Variants in SCNN1B observed in about 807,000 individuals in gnomAD.
SCNN1B encodes sodium channel epithelial 1 subunit beta, also known as epithelial sodium channel subunit beta.
Under a neutral mutation model 65.3 loss-of-function variants are expected in SCNN1B, and 46 were observed. The ratio of observed to expected loss-of-function variants is 0.70; its 90% CI spans 0.56 to 0.90. The LOEUF (loss-of-function observed/expected upper bound fraction) is 0.90. Ranked by LOEUF, SCNN1B falls within the 40% of genes least tolerant of loss-of-function variation. The probability of loss-of-function intolerance (pLI) is 0.00; values close to 1 mark genes in which losing one functional copy is unlikely to be tolerated. For synonymous variants in SCNN1B, 349 were observed against 330.6 expected, an observed-to-expected ratio of 1.06 and a Z score of -0.60; for missense variants, 751 against 830.5, an observed-to-expected ratio of 0.90 and a Z score of 1.18.
At chr16:23,315,072 C>T (rs911211802) in intron 1 of SCNN1B, among the ~76,000 whole-genome samples, 1 of 152,208 alleles carries the variant, frequency 6.6e-6, no homozygotes, top group Admixed American at 6.5e-5. Flanking sequence ...TGCGGTGGCT[C>T]AAGCCTGTAA....
At chr16:23,337,646 G>A (rs1961972111) in intron 1 of SCNN1B, among the ~76,000 whole-genome samples, 1 of 151,982 alleles carries the variant, frequency 6.6e-6, no homozygotes, top group Admixed American at 6.6e-5. Flanking sequence ...CCAAAGTGCT[G>A]TGATTACAGG....
At chr16:23,364,503 G>A (rs1962609848) in intron 4 of SCNN1B, among the ~76,000 whole-genome samples, 1 of 152,174 alleles carries the variant, frequency 6.6e-6, no homozygotes, top group Admixed American at 6.5e-5. Flanking sequence ...GTGACAAGAA[G>A]CCTTTGGAGG....
chr16:23,333,917 A>G (rs1961881666), intron 1 of SCNN1B, among the ~76,000 whole-genome samples: 1 of 152,296 alleles, frequency 6.6e-6, no homozygotes, highest in East Asian at 1.9e-4. Context: ...ACCAGACCCT[A>G]ACTGGGGCCT....
chr16:23,343,514 AAGG>A (rs1962102943), intron 1 of SCNN1B, among the ~76,000 whole-genome samples: 1 of 115,852 alleles, frequency 8.6e-6, no homozygotes, highest in African/African-American at 3.1e-5. Flanking sequence ...AAGGAAAAGG[AAGG>A]AAGGAAGGAA....
At chr16:23,345,035 A>G (rs1427214728) in intron 1 of SCNN1B, among the ~76,000 whole-genome samples, 1 of 151,900 alleles carries the variant, frequency 6.6e-6, no homozygotes, top group Non-Finnish European at 1.5e-5. Context: ...GAGAGAGAAC[A>G]GAGTTGGAGA....
intron 5 of SCNN1B, among the ~76,000 whole-genome samples, chr16:23,368,525 G>A (rs953065666): frequency 5.3e-5 from 8 of 152,002 alleles, no homozygotes; most frequent in Non-Finnish European, 1.0e-4. Flanking sequence ...CATTTACTTG[G>A]GTGGTGTTCC....
At chr16:23,304,029 A>G (rs1365386386) in intron 1 of SCNN1B, 3 of 1,524,636 alleles carry the variant, frequency 2.0e-6, no homozygotes, top group Middle Eastern at 1.7e-4. Flanking sequence ...CAGCTTATTT[A>G]TTTAAACTGC....
chr16:23,282,070 G>A (rs1960792059), intron 1 of SCNN1B, among the ~76,000 whole-genome samples: 1 of 152,004 alleles, frequency 6.6e-6, no homozygotes, highest in Non-Finnish European at 1.5e-5. Context: ...GACTCCAAAA[G>A]GTGGGAGGGT....
At chr16:23,321,702 CG>C (rs1292376568) in intron 1 of SCNN1B, among the ~76,000 whole-genome samples, 2 of 152,124 alleles carry the variant, frequency 1.3e-5, no homozygotes, top group African/African-American at 4.8e-5. Context: ...AGGTACTCCG[CG>C]GACGGTGGCT....
chr16:23,379,099 TC>T (rs1261298843), intron 11 of SCNN1B, among the ~76,000 whole-genome samples: 5 of 138,228 alleles, frequency 3.6e-5, no homozygotes, highest in African/African-American at 1.2e-4. Context: ...CACCCATTCA[TC>T]CCTCCATCAT....
In SCNN1B at chr16:23,380,034, GTGTC is replaced by G. The variant is rs778424160; in HGVS notation, c.1467-52_1467-49del. ...TGCATGTGTCTATGTGCGTGTGTGTGTGTCTGTCTGTTTGGAAGGGGGATACATT... is the reference window on the plus strand; with the variant it reads ...TGCATGTGTCTATGTGCGTGTGTGTGTGTCTGTTTGGAAGGGGGATACATT... On this transcript the variant is annotated intron_variant, in intron 11 of 12. Coordinates refer to ENST00000343070, the MANE Select transcript of SCNN1B (RefSeq NM_000336.3). This position sits in a 1 kb window ranked among gnomAD's most constrained non-coding sequence, Gnocchi z 5.4. 1.3e-4 allele frequency: 162 copies of G among 1,236,368 alleles called. No homozygotes were observed. The highest frequency in any genetic ancestry group is 2.6e-4 in the South Asian group (22 of 83,358). The allele number at this position is 1,236,368 out of a possible 1,614,324, so 76.6% of individuals were successfully genotyped here.
chr16:23,317,017 G>A (rs935206575), intron 1 of SCNN1B, among the ~76,000 whole-genome samples: 6 of 152,200 alleles, frequency 3.9e-5, no homozygotes, highest in Admixed American at 3.9e-4. Context: ...CCACAGATGG[G>A]GTAACAGACC....
intron 1 of SCNN1B, among the ~76,000 whole-genome samples, chr16:23,332,028 G>T (rs1341431240): frequency 6.6e-6 from 1 of 151,942 alleles, no homozygotes; most frequent in East Asian, 1.9e-4. Flanking sequence ...TTGTCTTTTT[G>T]TTTTTTGGGT....
intron 1 of SCNN1B, among the ~76,000 whole-genome samples, chr16:23,333,145 GGAAA>G (rs1366903498): frequency 2.5e-3 from 247 of 98,422 alleles, no homozygotes; most frequent in Middle Eastern, 5.3e-3. Flanking sequence ...GAGGAAGGAA[GGAAA>G]GAAGGAAGGA....
In SCNN1B at chr16:23,380,001, C is replaced by A; in HGVS notation, c.1467-93C>A. On this transcript the variant is annotated intron_variant, in intron 11 of 12. Coordinates refer to ENST00000343070, the MANE Select transcript of SCNN1B (RefSeq NM_000336.3). The surrounding 1 kb of genome is among the most constrained non-coding windows in gnomAD (Gnocchi z 5.4). ...GCATACATGTGGGTGTGTGCACGTGCATGTGTGTGCATGTGTCTATGTGCG... is the reference window on the plus strand; with the variant it reads ...GCATACATGTGGGTGTGTGCACGTGAATGTGTGTGCATGTGTCTATGTGCG... The A allele has an allele frequency of 1.1e-6, 1 of 920,816 alleles. No homozygotes were observed. Among genetic ancestry groups the A allele is most frequent in the Non-Finnish European group, 1.8e-6 (1 of 549,366 alleles). The allele number at this position is 920,816 out of a possible 1,614,324, so 57.0% of individuals were successfully genotyped here. A position where few individuals can be genotyped will look rare whatever the true frequency, so the allele number is the denominator to read the frequency against.
intron 1 of SCNN1B, among the ~76,000 whole-genome samples, chr16:23,314,616 G>A (rs570684827): frequency 6.6e-6 from 1 of 152,256 alleles, no homozygotes; most frequent in South Asian, 2.1e-4. Context: ...GAGTGTGGAG[G>A]AGGAGGGGAA....
At chr16:23,337,609 C>T (rs547320561) in intron 1 of SCNN1B, among the ~76,000 whole-genome samples, 32 of 152,040 alleles carry the variant, frequency 2.1e-4, no homozygotes, top group African/African-American at 7.7e-4. Flanking sequence ...AATTCCTGAC[C>T]TCAGGTGATC....
chr16:23,304,202 G>A, intron 1 of SCNN1B: 1 of 917,410 alleles, frequency 1.1e-6, no homozygotes, highest in Non-Finnish European at 1.7e-6. Context: ...CTGAATTTAG[G>A]GGATGAGGTC....
At chr16:23,322,478 A>T (rs1961609421) in intron 1 of SCNN1B, among the ~76,000 whole-genome samples, 1 of 148,976 alleles carries the variant, frequency 6.7e-6, no homozygotes, top group African/African-American at 2.6e-5. Context: ...TTTTTTTTTT[A>T]ATTTATATGT....
Sources: gnomAD v4.1 joint callset for allele counts (sites outside exome capture counted in the v4.1 genomes callset) on GRCh38, gnomAD v4.1.1 for gene constraint, Gnocchi (gnomAD v3.1) non-coding constraint, MANE v1.5 for transcripts, NCBI Gene and HGNC (gene_info 2026-07-23, HGNC 2026-07-21) for gene names.